Variants in DNER observed in about 807,000 individuals in gnomAD.
DNER encodes the protein delta and Notch-like epidermal growth factor-related receptor.
Under a neutral mutation model 78.2 loss-of-function variants are expected in DNER, and 33 were observed. The observed-to-expected ratio is 0.42, with a 90% confidence interval of 0.32 to 0.56. The LOEUF is 0.56. DNER is among the 20% of genes least tolerant of loss of function. The pLI, the probability that DNER is intolerant of heterozygous loss-of-function variation, is 0.11. For missense variants in DNER, 918 were observed against 975.3 expected, an observed-to-expected ratio of 0.94 and a Z score of 0.78; for synonymous variants, 417 against 384.8, an observed-to-expected ratio of 1.08 and a Z score of -0.98.
chr2:229,708,420 G>A (rs182690350), intron 1 of DNER, among the ~76,000 whole-genome samples: 1 of 152,306 alleles, frequency 6.6e-6, no homozygotes, highest in African/African-American at 2.4e-5. Context: ...ACACTGCCAG[G>A]GCTGAGCACT....
chr2:229,555,361 C>A (rs1293025278), intron 4 of DNER, among the ~76,000 whole-genome samples: 1 of 152,184 alleles, frequency 6.6e-6, no homozygotes, highest in Non-Finnish European at 1.5e-5. Flanking sequence ...AGCCTTTACA[C>A]ATCTTGCTCA....
intron 6 of DNER, among the ~76,000 whole-genome samples, chr2:229,480,025 A>G (rs1330986979): frequency 6.6e-6 from 1 of 152,204 alleles, no homozygotes; most frequent in Admixed American, 6.5e-5. Context: ...CCAGCAGCCA[A>G]TTTGGTCTCA....
At chr2:229,597,477 T>C (rs1201329396) in intron 1 of DNER, among the ~76,000 whole-genome samples, 2 of 152,214 alleles carry the variant, frequency 1.3e-5, no homozygotes, top group Non-Finnish European at 2.9e-5. Context: ...TCGCATCTGC[T>C]CTTGCGTCCC....
intron 1 of DNER, among the ~76,000 whole-genome samples, chr2:229,710,773 G>T (rs1346532506): frequency 6.6e-6 from 1 of 152,124 alleles, no homozygotes; most frequent in Non-Finnish European, 1.5e-5. Flanking sequence ...AAGAGATGAT[G>T]ATTAGCTCGA....
intron 1 of DNER, among the ~76,000 whole-genome samples, chr2:229,598,692 C>T (rs1174114189): frequency 6.6e-6 from 1 of 152,118 alleles, no homozygotes; most frequent in Non-Finnish European, 1.5e-5. Context: ...AAAACAAAGA[C>T]AGCAATTCTG....
intron 11 of DNER, among the ~76,000 whole-genome samples, chr2:229,367,726 G>A (rs542600292): frequency 1.3e-5 from 2 of 152,282 alleles, no homozygotes; most frequent in African/African-American, 4.8e-5. Context: ...TCCTCTATCA[G>A]CTCCCAAATA....
chr2:229,499,278 T>A (rs1448869276), intron 6 of DNER, among the ~76,000 whole-genome samples: 1 of 151,838 alleles, frequency 6.6e-6, no homozygotes, highest in African/African-American at 2.4e-5. Flanking sequence ...AAATCCTGTC[T>A]CTAATAAAAT....
intron 1 of DNER, among the ~76,000 whole-genome samples, chr2:229,662,605 T>C (rs1201712065): frequency 6.6e-6 from 1 of 152,002 alleles, no homozygotes; most frequent in African/African-American, 2.4e-5. Context: ...ACAACCACCC[T>C]CTCCTCCCTC....
In DNER at chr2:229,455,097, T is replaced by G. The variant is rs144946147; in HGVS notation, c.1262-7557A>C. Among the ~76,000 whole-genome samples, 325 of 152,196 alleles carry G rather than the reference T, an allele frequency of 2.1e-3. 8 individuals carry two copies. Among genetic ancestry groups the G allele is most frequent in the African/African-American group, 7.4e-3 (308 of 41,460 alleles). On this transcript the variant is annotated intron_variant, in intron 7 of 12. Coordinates refer to ENST00000341772, the MANE Select transcript of DNER (RefSeq NM_139072.4). ...TTTGAGATGCTATTGCTTTAACGAG[T>G]AAATTCTCCATTTCCTTCTATCAGC...
chr2:229,686,278 C>A (rs992184294), intron 1 of DNER, among the ~76,000 whole-genome samples: 14 of 152,256 alleles, frequency 9.2e-5, no homozygotes, highest in East Asian at 3.9e-4. Flanking sequence ...GCCTTGCCCC[C>A]ACTCCCAGCC....
chr2:229,633,539 C>A (rs1347196382), intron 1 of DNER, among the ~76,000 whole-genome samples: 3 of 152,090 alleles, frequency 2.0e-5, no homozygotes, highest in Admixed American at 6.6e-5. Flanking sequence ...TAAAATGAAT[C>A]CAAAGTAATA....
intron 12 of DNER, among the ~76,000 whole-genome samples, chr2:229,361,525 A>G (rs72980607): frequency 0.01 from 1,565 of 152,314 alleles, 8 homozygotes; most frequent in Non-Finnish European, 0.018. Context: ...ACAAAGGCTG[A>G]GTTGAGTAGT....
chr2:229,704,057 T>G (rs1464115943), intron 1 of DNER, among the ~76,000 whole-genome samples: 1 of 152,136 alleles, frequency 6.6e-6, no homozygotes, highest in African/African-American at 2.4e-5. Context: ...GAATAGACAT[T>G]TCATCAAAGA....
chr2:229,439,113 T>C (rs754276962), intron 8 of DNER, among the ~76,000 whole-genome samples: 1 of 152,192 alleles, frequency 6.6e-6, no homozygotes, highest in Non-Finnish European at 1.5e-5. Flanking sequence ...TTGCCCAGCA[T>C]CTGGCACTTA....
intron 1 of DNER, among the ~76,000 whole-genome samples, chr2:229,599,349 G>C (rs564346628): frequency 3.9e-5 from 6 of 152,200 alleles, no homozygotes; most frequent in Non-Finnish European, 7.3e-5. Context: ...TAAAGGAAGA[G>C]GGAGTGTCTT....
chr2:229,516,175 C>A (rs1205825817), intron 5 of DNER, among the ~76,000 whole-genome samples: 1 of 152,124 alleles, frequency 6.6e-6, no homozygotes, highest in African/African-American at 2.4e-5. Flanking sequence ...TTTGTATATT[C>A]TCTATCATAT....
intron 5 of DNER, among the ~76,000 whole-genome samples, chr2:229,528,728 C>A (rs190647884): frequency 8.5e-5 from 13 of 152,144 alleles, no homozygotes; most frequent in African/African-American, 2.7e-4. Flanking sequence ...CTCTCTCTAA[C>A]TAGGAAACAC....
At chr2:229,553,211 G>C (rs1696785161) in intron 4 of DNER, among the ~76,000 whole-genome samples, 2 of 152,192 alleles carry the variant, frequency 1.3e-5, no homozygotes, top group South Asian at 4.1e-4. Flanking sequence ...TTTAGTGCCA[G>C]GGGATTGGCA....
chr2:229,667,518 G>A (rs1374114415), intron 1 of DNER, among the ~76,000 whole-genome samples: 5 of 152,166 alleles, frequency 3.3e-5, no homozygotes, highest in East Asian at 3.9e-4. Context: ...CCAGGGTCAC[G>A]TGTACCAGGG....
Sources: gnomAD v4.1 joint callset for allele counts (sites outside exome capture counted in the v4.1 genomes callset) on GRCh38, gnomAD v4.1.1 for gene constraint, MANE v1.5 for transcripts, NCBI Gene and HGNC (gene_info 2026-07-23, HGNC 2026-07-21) for gene names.